IRAG1: variants seen among roughly 807,000 people sequenced by gnomAD.
IRAG1 encodes the protein inositol 1,4,5-triphosphate receptor associated 1.
IRAG1 carries 62 observed loss-of-function variants against 106.2 expected under a neutral mutation model. The ratio of observed to expected loss-of-function variants is 0.58; its 90% CI spans 0.48 to 0.72. The LOEUF (loss-of-function observed/expected upper bound fraction) is 0.72, where lower values mean the gene tolerates loss of function less well. Ranked by LOEUF, IRAG1 falls within the 30% of genes least tolerant of loss-of-function variation. The pLI is 0.00. For missense variants in IRAG1, 1,064 were observed against 1,140.7 expected (o/e 0.93, Z 0.97); for synonymous variants, 462 against 443.9 (o/e 1.04, Z -0.51).
chr11:10,639,908 A>G (rs1857399797), intron 2 of IRAG1, among the ~76,000 whole-genome samples: 1 of 152,136 alleles, frequency 6.6e-6, no homozygotes, highest in African/African-American at 2.4e-5. Context: ...CTCCCACATT[A>G]TTGGACCTTA....
At chr11:10,576,685 TC>T in intron 20 of IRAG1, 110 bp from the exon 21 acceptor site, 1 of 1,385,860 alleles carries the variant, frequency 7.2e-7, no homozygotes, top group Non-Finnish European at 1.0e-6. Context: ...GAGCAATAGT[TC>T]TCAAACTTAG....
intron 10 of IRAG1, among the ~76,000 whole-genome samples, chr11:10,616,374 A>C (rs1440761341): frequency 6.6e-6 from 1 of 152,136 alleles, no homozygotes; most frequent in African/African-American, 2.4e-5. Context: ...GTTACACTAA[A>C]ACATAGTGAC....
chr11:10,639,182 A>C (rs1262979308), intron 2 of IRAG1, among the ~76,000 whole-genome samples: 1 of 152,196 alleles, frequency 6.6e-6, no homozygotes, highest in Non-Finnish European at 1.5e-5. Context: ...GGCCTCCCAA[A>C]GTGCTGGGAT....
intron 4 of IRAG1, among the ~76,000 whole-genome samples, chr11:10,630,833 A>T (rs1856638464): frequency 6.6e-6 from 1 of 151,682 alleles, no homozygotes; most frequent in Admixed American, 6.6e-5. Context: ...CTTGGTAAAA[A>T]CCTCTCTGAT....
chr11:10,626,436 C>T lies in IRAG1; in HGVS notation c.898G>A (p.Glu300Lys), dbSNP rs766892331. The stretch of plus-strand genomic sequence containing the variant: ...GGAGCTAGGCCTTTGGGTGTGGTCT[C>T]GGGGTACTGGAGGGGATCGAAGTTT... ...KENFDPLQYPETTPKGLAPVT... is the reference protein window; with the variant it reads ...KENFDPLQYPKTTPKGLAPVT... The change falls in exon 9 of 21, where the codon GAG (glutamate) becomes AAG (lysine). Residue 300 changes from glutamate (E) to lysine (K), a missense_variant. Coordinates refer to ENST00000423302, the MANE Select transcript of IRAG1 (RefSeq NM_130385.4). 27 of 1,613,534 alleles carry T rather than the reference C, an allele frequency of 1.7e-5. No homozygotes were observed. The highest frequency in any genetic ancestry group is 1.6e-4 in the Middle Eastern group (1 of 6,082).
At chr11:10,673,547 G>A (rs959749982) in intron 1 of IRAG1, among the ~76,000 whole-genome samples, 13 of 152,064 alleles carry the variant, frequency 8.5e-5, no homozygotes, top group African/African-American at 2.4e-4. Context: ...CTTTTTGGAT[G>A]ATAAAAATAT....
chr11:10,592,583 AG>A (rs1385342419), intron 17 of IRAG1, among the ~76,000 whole-genome samples: 2 of 152,230 alleles, frequency 1.3e-5, no homozygotes, highest in African/African-American at 4.8e-5. Context: ...TGCTAGTCAT[AG>A]GCAGGGGATA....
intron 1 of IRAG1, among the ~76,000 whole-genome samples, chr11:10,693,222 C>A (rs551538291): frequency 4.9e-4 from 75 of 152,248 alleles, no homozygotes; most frequent in Non-Finnish European, 6.9e-4. Flanking sequence ...CACAAAGGGG[C>A]CCACAGGAAA....
At chr11:10,588,083 C>G (rs185144338) in intron 18 of IRAG1, among the ~76,000 whole-genome samples, 53 of 152,304 alleles carry the variant, frequency 3.5e-4, no homozygotes, top group African/African-American at 1.2e-3. Context: ...CAGTAATTAC[C>G]ATTGTCATCA....
chr11:10,668,826 C>T (rs1359076416), intron 1 of IRAG1, among the ~76,000 whole-genome samples: 1 of 152,176 alleles, frequency 6.6e-6, no homozygotes, highest in Non-Finnish European at 1.5e-5. Context: ...GTGAATAATT[C>T]TTTAACCCAG....
chr11:10,600,939 T>C lies in IRAG1; in HGVS notation c.1996A>G (p.Ser666Gly). 6.2e-7 allele frequency: 1 copy of C among 1,614,072 alleles called. No homozygotes were observed. The highest frequency in any genetic ancestry group is 8.5e-7 in the Non-Finnish European group (1 of 1,179,904). The change falls in exon 15 of 21, where the codon AGC becomes GGC. Residue 666 changes from serine to glycine, a missense_variant. By Grantham distance (56) the Ser-to-Gly change is moderately conservative. Transcript: ENST00000423302. ...TTACCAGAGGGGCCACAGCTGCGGCTTGAATTCTGATTTGCAAGCTTTTTA... is the reference window on the plus strand; with the variant it reads ...TTACCAGAGGGGCCACAGCTGCGGCCTGAATTCTGATTTGCAAGCTTTTTA... Reference protein sequence around the residue: ...EFKKLANQNSSRSCGPSEDGV... With the variant: ...EFKKLANQNSGRSCGPSEDGV...
In IRAG1 at chr11:10,598,850, A is replaced by G. The variant is rs138339809; in HGVS notation, c.2017+2068T>C. ...GAAACATGTTATTTTTAAAAAATGT[A>G]TATCACCTTCCTTGAAATCAGGGAT... On this transcript the variant is annotated intron_variant, in intron 15 of 20. Transcript: ENST00000423302. Among the ~76,000 whole-genome samples the G allele has an allele frequency of 2.6e-3, 394 of 152,378 alleles. 1 individual carries two copies. Among genetic ancestry groups the G allele is most frequent in the African/African-American group, 9.1e-3 (378 of 41,584 alleles).
At position 10,680,198 on chromosome 11, in the gene IRAG1, A is replaced by G. The variant is rs1018385099; in HGVS notation, c.67+13338T>C. On this transcript the variant is annotated intron_variant, in intron 1 of 20. Transcript: ENST00000423302. ...TGAAGTAGGAGAATCGCTTGAACCC[A>G]GGAGGTGGAGGTTGCAGTGAGCAGA... Among the ~76,000 whole-genome samples the G allele has an allele frequency of 7.7e-4, 115 of 149,626 alleles. 3 individuals are homozygous for G. Among genetic ancestry groups the G allele is most frequent in the Admixed American group, 7.7e-3 (114 of 14,900 alleles).
At chr11:10,587,769 G>C (rs558094268) in intron 18 of IRAG1, among the ~76,000 whole-genome samples, 1 of 151,986 alleles carries the variant, frequency 6.6e-6, no homozygotes, top group African/African-American at 2.4e-5. Context: ...ATGCCCAACC[G>C]GTCACCATGC....
intron 1 of IRAG1, among the ~76,000 whole-genome samples, chr11:10,663,404 A>G (rs1859547814): frequency 6.6e-6 from 1 of 152,212 alleles, no homozygotes; most frequent in Non-Finnish European, 1.5e-5. Flanking sequence ...GAATATATGT[A>G]GGAACTGGTT....
At position 10,603,138 on chromosome 11, in the gene IRAG1, C is replaced by A. The variant is rs1854174732; in HGVS notation, c.1857G>T (p.Val619=). Residue 619 remains valine, a synonymous_variant, in exon 14 of 21, where the codon GTG becomes GTT. Transcript: ENST00000423302. ...GACTCACCTGGCGGACGGCGCCTAC[C>A]ACCTCAGCTCGGCTGGAGAGGCGGG... ...LAARLSSRAE[V]VGAVRQEKRM... 6.2e-7 allele frequency: 1 copy of A among 1,611,116 alleles called. No individual in the cohort carries two copies. The highest frequency in any genetic ancestry group is 1.7e-5 in the Admixed American group (1 of 59,706).
intron 18 of IRAG1, among the ~76,000 whole-genome samples, chr11:10,582,530 T>C (rs1027114451): frequency 3.9e-5 from 6 of 152,220 alleles, no homozygotes; most frequent in Non-Finnish European, 8.8e-5. Context: ...ATAACTTTTA[T>C]GAAAGAAATT....
chr11:10,689,605 A>G (rs1267245947), intron 1 of IRAG1, among the ~76,000 whole-genome samples: 2 of 152,350 alleles, frequency 1.3e-5, no homozygotes, highest in East Asian at 3.9e-4. Context: ...TCCCCAAAGA[A>G]AAATCACATT....
At chr11:10,590,987 T>C (rs1852589576) in intron 18 of IRAG1, among the ~76,000 whole-genome samples, 1 of 152,194 alleles carries the variant, frequency 6.6e-6, no homozygotes, top group African/African-American at 2.4e-5. Context: ...TCCAGATTTG[T>C]CAATGAGATA....
Sources: allele counts gnomAD v4.1 joint callset (sites outside exome capture counted in the v4.1 genomes callset), GRCh38; gene constraint gnomAD v4.1.1; transcripts MANE v1.5; gene names NCBI Gene and HGNC (gene_info 2026-07-23, HGNC 2026-07-21).